The following SORCS3 variants were observed in gnomAD, a reference collection of about 807,000 sequenced individuals.
The protein encoded by SORCS3 is sortilin related VPS10 domain containing receptor 3.
In SORCS3, 57 loss-of-function variants were observed where a neutral mutation model predicts 146.3. That is an observed-to-expected ratio of 0.39 (90% CI 0.31 to 0.49). The LOEUF is 0.49. Ranked by LOEUF, SORCS3 falls within the 20% of genes least tolerant of loss-of-function variation. The pLI, the probability that SORCS3 is intolerant of heterozygous loss-of-function variation, is 0.92. For synonymous variants in SORCS3, 653 were observed against 618.5 expected (o/e 1.06, Z -0.83); for missense variants, 1,341 against 1,575.5 (o/e 0.85, Z 2.52).
intron 1 of SORCS3, among the ~76,000 whole-genome samples, chr10:104,722,414 A>G (rs1589472731): frequency 6.6e-6 from 1 of 152,112 alleles, no homozygotes; most frequent in African/African-American, 2.4e-5. Context: ...ATCGATGTTC[A>G]TCAGGGATAT....
intron 5 of SORCS3, among the ~76,000 whole-genome samples, chr10:105,076,642 C>T (rs538655573): frequency 6.6e-5 from 10 of 152,264 alleles, no homozygotes; most frequent in Admixed American, 5.2e-4. Flanking sequence ...GTAGATGTTC[C>T]TCTCTTTTAT....
chr10:105,034,249 G>A (rs2055290835), intron 4 of SORCS3, among the ~76,000 whole-genome samples: 1 of 152,104 alleles, frequency 6.6e-6, no homozygotes, highest in Non-Finnish European at 1.5e-5. Context: ...CCTGACATAT[G>A]AGTAGGAGTT....
intron 2 of SORCS3, among the ~76,000 whole-genome samples, chr10:104,852,615 C>T (rs2018285024): frequency 6.6e-6 from 1 of 152,112 alleles, no homozygotes; most frequent in Admixed American, 6.6e-5. Flanking sequence ...CACTTTATGG[C>T]CATCTTTGCT....
intron 5 of SORCS3, among the ~76,000 whole-genome samples, chr10:105,088,360 T>C (rs2055677431): frequency 6.6e-6 from 1 of 152,174 alleles, no homozygotes; most frequent in African/African-American, 2.4e-5. Context: ...AAATAACCCA[T>C]TAGAGTAAAG....
At chr10:104,990,290 G>T (rs756288920) in intron 4 of SORCS3, among the ~76,000 whole-genome samples, 1 of 152,218 alleles carries the variant, frequency 6.6e-6, no homozygotes, top group Non-Finnish European at 1.5e-5. Context: ...TGCCCACAAA[G>T]TTGGCCAGCT....
intron 1 of SORCS3, among the ~76,000 whole-genome samples, chr10:104,647,271 C>T (rs1221711677): frequency 1.3e-5 from 2 of 152,174 alleles, no homozygotes; most frequent in South Asian, 2.1e-4. Flanking sequence ...GCCAGGGCAG[C>T]GTCTTCATTG....
chr10:105,263,514 T>A lies in SORCS3; in HGVS notation c.*140T>A. 1 of 739,098 alleles carries A rather than the reference T, an allele frequency of 1.4e-6. No homozygotes were observed. The highest frequency in any genetic ancestry group is 2.2e-6 in the Non-Finnish European group (1 of 448,592). The allele number at this position is 739,098 out of a possible 1,614,324, so 45.8% of individuals were successfully genotyped here. ...CCTTCATAAATAGCAGGCAAATGCC[T>A]AGCTTTGGGAGAAAAGGGCATTCTT... On this transcript the variant is annotated 3_prime_UTR_variant, in exon 27 of 27. Coordinates refer to ENST00000369701, the MANE Select transcript of SORCS3 (RefSeq NM_014978.3).
chr10:105,149,855 A>G (rs751377985), intron 9 of SORCS3, among the ~76,000 whole-genome samples: 4 of 152,178 alleles, frequency 2.6e-5, no homozygotes, highest in Non-Finnish European at 5.9e-5. Flanking sequence ...CATGAATCAA[A>G]ATGAAGAATG....
intron 4 of SORCS3, among the ~76,000 whole-genome samples, chr10:105,027,846 T>C (rs1371550886): frequency 1.3e-5 from 2 of 152,236 alleles, no homozygotes; most frequent in Non-Finnish European, 2.9e-5. Flanking sequence ...ATGTCCCTTG[T>C]GGAGAAACAC....
chr10:105,098,880 T>A (rs1183576616), intron 6 of SORCS3, among the ~76,000 whole-genome samples: 2 of 152,184 alleles, frequency 1.3e-5, no homozygotes, highest in African/African-American at 2.4e-5. Flanking sequence ...ATATTCAGTG[T>A]CACTTTGGTT....
At chr10:105,250,247 T>C (rs567930781) in intron 22 of SORCS3, among the ~76,000 whole-genome samples, 2 of 152,188 alleles carry the variant, frequency 1.3e-5, no homozygotes, top group Non-Finnish European at 2.9e-5. Flanking sequence ...TACCATCACA[T>C]TGGATATTAA....
chr10:104,822,112 T>G, intron 1 of SORCS3: 1 of 518,442 alleles, frequency 1.9e-6, no homozygotes, highest in Non-Finnish European at 3.9e-6. Context: ...CTGTGATTCT[T>G]ATTTCTCTAG....
chr10:104,758,521 C>T (rs2133474720), intron 1 of SORCS3, among the ~76,000 whole-genome samples: 1 of 152,272 alleles, frequency 6.6e-6, no homozygotes, highest in South Asian at 2.1e-4. Context: ...TCTAACTTCT[C>T]ATTTTGCAGA....
chr10:104,776,514 T>G (rs943998006), intron 1 of SORCS3, among the ~76,000 whole-genome samples: 1 of 152,174 alleles, frequency 6.6e-6, no homozygotes, highest in Non-Finnish European at 1.5e-5. Flanking sequence ...TTTAAAAAAT[T>G]TCTTTTTCAG....
chr10:105,049,885 A>G (rs931382761), intron 5 of SORCS3, among the ~76,000 whole-genome samples: 1 of 152,132 alleles, frequency 6.6e-6, no homozygotes, highest in Non-Finnish European at 1.5e-5. Flanking sequence ...TTACAGGTTC[A>G]GTCGTATCTC....
At chr10:104,706,169 G>A (rs1397169967) in intron 1 of SORCS3, among the ~76,000 whole-genome samples, 2 of 137,962 alleles carry the variant, frequency 1.4e-5, no homozygotes, top group Non-Finnish European at 3.1e-5. Context: ...GGAGACTAGA[G>A]TTTCTTTTGT....
In SORCS3 at chr10:104,883,978, G is replaced by GGC. The variant is rs57287239; in HGVS notation, c.696-31854_696-31853insCG. Among the ~76,000 whole-genome samples, 1,082 of 146,210 alleles carry GGC rather than the reference G, an allele frequency of 7.4e-3. 12 individuals carry two copies. The highest frequency in any genetic ancestry group is 0.027 in the African/African-American group (1,008 of 37,288). On this transcript the variant is annotated intron_variant, in intron 2 of 26. Coordinates refer to ENST00000369701, the MANE Select transcript of SORCS3 (RefSeq NM_014978.3). Reference sequence around the variant, plus strand: ...CATCCACTGTTCTGCTGTGGAATGAGGGGGGGGAAAGGGTCCTACCCTATC... The same window carrying GGC: ...CATCCACTGTTCTGCTGTGGAATGAGGCGGGGGGGAAAGGGTCCTACCCTATC...
At chr10:105,191,670 G>T (rs905712024) in intron 14 of SORCS3, among the ~76,000 whole-genome samples, 4 of 152,156 alleles carry the variant, frequency 2.6e-5, no homozygotes, top group Non-Finnish European at 5.9e-5. Context: ...CAGGTGGGGG[G>T]TGTTGATTTC....
chr10:105,259,799 A>G (rs780627832), intron 25 of SORCS3, among the ~76,000 whole-genome samples: 4 of 152,166 alleles, frequency 2.6e-5, no homozygotes, highest in Non-Finnish European at 5.9e-5. Context: ...ACAGGCTTCT[A>G]ACACTCATAA....
Sources: gnomAD v4.1 joint callset for allele counts (sites outside exome capture counted in the v4.1 genomes callset) on GRCh38, gnomAD v4.1.1 for gene constraint, MANE v1.5 for transcripts, NCBI Gene and HGNC (gene_info 2026-07-23, HGNC 2026-07-21) for gene names.